VWA8: variants seen among roughly 807,000 people sequenced by gnomAD.
The protein encoded by VWA8 is von Willebrand factor A domain containing 8.
VWA8 carries 221 observed loss-of-function variants against 241.5 expected under a neutral mutation model. The ratio of observed to expected loss-of-function variants is 0.91; its 90% CI spans 0.82 to 1.02. The LOEUF is 1.02. Ranked by LOEUF, VWA8 falls within the 50% of genes least tolerant of loss-of-function variation. The pLI is 0.00. For missense variants in VWA8, 2,322 were observed against 2,328.7 expected (o/e 1.00, Z 0.06); for synonymous variants, 852 against 827.1 (o/e 1.03, Z -0.52).
At chr13:41,722,098 T>G (rs1347513406) in intron 24 of VWA8, among the ~76,000 whole-genome samples, 1 of 152,168 alleles carries the variant, frequency 6.6e-6, no homozygotes, top group Admixed American at 6.6e-5. Context: ...TATACATCTA[T>G]CTCATATAAA....
At chr13:41,666,566 G>A (rs1223573064) in intron 37 of VWA8, among the ~76,000 whole-genome samples, 1 of 152,092 alleles carries the variant, frequency 6.6e-6, no homozygotes, top group African/African-American at 2.4e-5. Context: ...CAAGCTGATT[G>A]TTAACCTTTG....
chr13:41,878,479 G>A (rs1367257970), intron 9 of VWA8, among the ~76,000 whole-genome samples: 1 of 151,488 alleles, frequency 6.6e-6, no homozygotes, highest in African/African-American at 2.4e-5. Flanking sequence ...TGCTAATCTG[G>A]TTGTATACAT....
rs764524395 is a variant in VWA8, at chr13:41,891,474, C to A, written c.597G>T (p.Gln199His). The A allele has an allele frequency of 1.1e-5, 18 of 1,614,120 alleles. No individual in the cohort carries two copies. In the South Asian group the frequency reaches 2.0e-4, roughly 18 times the overall value. The change falls in exon 5 of 45, where the codon CAG becomes CAT. Residue 199 changes from glutamine (Q) to histidine (H), a missense_variant. By Grantham distance (24) the Gln-to-His change is conservative (BLOSUM62 0). Transcript: ENST00000379310. ...LNNLLENREMQLEDGRFLMSA... is the reference protein window; with the variant it reads ...LNNLLENREMHLEDGRFLMSA... ...ACATCAGGAAGCGTCCATCTTCAAG[C>A]TGCATCTCTCTGTTTTCCAGCAAGT...
At chr13:41,777,619 G>A (rs1049472071) in intron 20 of VWA8, among the ~76,000 whole-genome samples, 1 of 152,172 alleles carries the variant, frequency 6.6e-6, no homozygotes, top group Non-Finnish European at 1.5e-5. Context: ...GTATCAATCT[G>A]ACAACAGATA....
intron 28 of VWA8, among the ~76,000 whole-genome samples, chr13:41,699,739 T>C (rs987772119): frequency 3.3e-5 from 5 of 152,228 alleles, no homozygotes; most frequent in Non-Finnish European, 7.3e-5. Context: ...TAATTCCATT[T>C]AAAAAATCTT....
At chr13:41,882,042 CT>C (rs1874244710) in intron 9 of VWA8, among the ~76,000 whole-genome samples, 1 of 128,712 alleles carries the variant, frequency 7.8e-6, no homozygotes, top group African/African-American at 3.2e-5. Context: ...CTCCTCACTT[CT>C]CAGACGGGCG....
chr13:41,819,333 G>A lies in VWA8; in HGVS notation c.1754C>T (p.Pro585Leu). Residue 585 changes from proline (P) to leucine (L), a missense_variant, in exon 15 of 45, where the codon CCT (proline) becomes CTT (leucine). Physicochemically the swap from Pro to Leu is moderately conservative, Grantham distance 98 (BLOSUM62 -3). Transcript: ENST00000379310. ...SFRIIALAEP[P>L]VIGSTAHQWL... ...CTGGTGTGCTGTGCTTCCAATAACA[G>A]GGGGTTCTGCCAAGGCAATGATTCT... 6.2e-7 allele frequency: 1 copy of A among 1,612,630 alleles called. No individual in the cohort carries two copies. Among genetic ancestry groups the A allele is most frequent in the South Asian group, 1.1e-5 (1 of 90,520 alleles).
chr13:41,573,368 A>G (rs1313813220), intron 43 of VWA8, among the ~76,000 whole-genome samples: 1 of 150,436 alleles, frequency 6.6e-6, no homozygotes, highest in Non-Finnish European at 1.5e-5. Context: ...TAGCGGGCCG[A>G]GATTGTGCCA....
At chr13:41,924,592 G>T (rs574364876) in intron 2 of VWA8, among the ~76,000 whole-genome samples, 1 of 152,064 alleles carries the variant, frequency 6.6e-6, no homozygotes, top group South Asian at 2.1e-4. Context: ...ACAAAGACAG[G>T]GACAGAAAGC....
intron 37 of VWA8, among the ~76,000 whole-genome samples, chr13:41,635,024 C>T (rs1208222230): frequency 2.0e-5 from 3 of 152,100 alleles, no homozygotes; most frequent in African/African-American, 7.2e-5. Flanking sequence ...GCCAAAATGA[C>T]TTATCTTCTC....
At chr13:41,574,267 C>T (rs766148495) in intron 43 of VWA8, among the ~76,000 whole-genome samples, 5 of 151,498 alleles carry the variant, frequency 3.3e-5, no homozygotes, top group Non-Finnish European at 7.4e-5. Flanking sequence ...AGTAACACTG[C>T]TATATGCCAA....
At chr13:41,855,200 A>G (rs2138035144) in intron 12 of VWA8, among the ~76,000 whole-genome samples, 1 of 151,772 alleles carries the variant, frequency 6.6e-6, no homozygotes, top group Non-Finnish European at 1.5e-5. Flanking sequence ...AGTGTTGACA[A>G]ATTCATTGAG....
intron 4 of VWA8, among the ~76,000 whole-genome samples, chr13:41,903,950 G>C (rs1363226709): frequency 6.6e-6 from 1 of 152,138 alleles, no homozygotes; most frequent in East Asian, 1.9e-4. Context: ...CCTCAGTCAC[G>C]GGCTCCGAAG....
chr13:41,629,185 T>C (rs1420552476), intron 37 of VWA8, among the ~76,000 whole-genome samples: 2 of 151,124 alleles, frequency 1.3e-5, no homozygotes, highest in Non-Finnish European at 2.9e-5. Context: ...ACAAAAAGAG[T>C]AAAATACCTA....
At position 41,807,382 on chromosome 13, in the gene VWA8, C is replaced by CA. The variant is rs200161301; in HGVS notation, c.2063+3842dup. Among the ~76,000 whole-genome samples the CA allele has an allele frequency of 7.6e-3, 1,137 of 150,080 alleles. 7 individuals carry two copies. Among genetic ancestry groups the CA allele is most frequent in the Non-Finnish European group, 8.3e-3 (557 of 67,350 alleles). On this transcript the variant is annotated intron_variant, in intron 17 of 44. Coordinates refer to ENST00000379310, the MANE Select transcript of VWA8 (RefSeq NM_015058.2). ...GATACCAAAACCAGAGAAGACACAT[C>CA]AAAAAAAAAGAAAACTACAGGCCAA...
chr13:41,654,428 G>A (rs990773997), intron 37 of VWA8, among the ~76,000 whole-genome samples: 2 of 152,126 alleles, frequency 1.3e-5, no homozygotes, highest in Non-Finnish European at 2.9e-5. Context: ...ACCTGGTTTC[G>A]TGGAACAATT....
chr13:41,695,864 CA>C (rs1322010270), intron 29 of VWA8, among the ~76,000 whole-genome samples: 7 of 151,884 alleles, frequency 4.6e-5, no homozygotes, highest in Non-Finnish European at 1.0e-4. Flanking sequence ...GCAATGTTAC[CA>C]AATAATTGGA....
intron 34 of VWA8, 88 bp from the exon 35 acceptor site, chr13:41,685,330 A>G: frequency 8.2e-7 from 1 of 1,212,572 alleles, no homozygotes; most frequent in Non-Finnish European, 1.1e-6. Flanking sequence ...AGCAGATACT[A>G]GTGGGAAACT....
At chr13:41,892,635 G>A (rs879435637) in intron 4 of VWA8, among the ~76,000 whole-genome samples, 6 of 152,108 alleles carry the variant, frequency 3.9e-5, no homozygotes, top group Non-Finnish European at 5.9e-5. Context: ...TTGGGGTTCT[G>A]AAACTCCCCC....
Sources: allele counts gnomAD v4.1 joint callset (sites outside exome capture counted in the v4.1 genomes callset), GRCh38; gene constraint gnomAD v4.1.1; transcripts MANE v1.5; gene names NCBI Gene and HGNC (gene_info 2026-07-23, HGNC 2026-07-21).